The following ADAMTSL3 variants were observed in gnomAD, a reference collection of about 807,000 sequenced individuals.
The protein encoded by ADAMTSL3 is ADAMTS-like protein 3.
Under a neutral mutation model 201.7 loss-of-function variants are expected in ADAMTSL3, and 128 were observed. That is an observed-to-expected ratio of 0.63 (90% confidence interval 0.55 to 0.73). The LOEUF is 0.73. Among genes scored for constraint, ADAMTSL3 ranks in the 30% least tolerant of loss-of-function variants. The pLI is 0.00. For missense variants in ADAMTSL3, 1,990 were observed against 2,119.6 expected, an observed-to-expected ratio of 0.94 and a Z score of 1.20; for synonymous variants, 738 against 748.4, an observed-to-expected ratio of 0.99 and a Z score of 0.23.
chr15:83,809,816 G>T (rs2063663335), intron 5 of ADAMTSL3, among the ~76,000 whole-genome samples: 1 of 151,976 alleles, frequency 6.6e-6, no homozygotes, highest in Admixed American at 6.6e-5. Context: ...TTCTCAATTG[G>T]CTGTAACTAA....
At chr15:83,990,606 C>T (rs2067565079) in intron 22 of ADAMTSL3, among the ~76,000 whole-genome samples, 1 of 152,138 alleles carries the variant, frequency 6.6e-6, no homozygotes, top group Non-Finnish European at 1.5e-5. Context: ...TCAACCCCCT[C>T]CCCCAGTATC....
In ADAMTSL3 at chr15:83,898,022, C is replaced by G; in HGVS notation, c.1615+17C>G. ...AACCAAAAGGTAAGTCTGTGGTGCA[C>G]TGTAAATTCAAATCAAATGGTATTT... On this transcript the variant is annotated intron_variant, in intron 14 of 29. Coordinates refer to ENST00000286744, the MANE Select transcript of ADAMTSL3 (RefSeq NM_207517.3). 1 of 1,596,090 alleles carries G rather than the reference C, an allele frequency of 6.3e-7. No individual in the cohort carries two copies. Among genetic ancestry groups the G allele is most frequent in the South Asian group, 1.1e-5 (1 of 89,380 alleles).
At chr15:83,668,503 T>C (rs1397047358) in intron 2 of ADAMTSL3, among the ~76,000 whole-genome samples, 2 of 152,084 alleles carry the variant, frequency 1.3e-5, no homozygotes, top group East Asian at 3.8e-4. Flanking sequence ...TATTTCTGTG[T>C]GTATGTGTGT....
At chr15:83,822,684 G>T (rs1423026735) in intron 6 of ADAMTSL3, among the ~76,000 whole-genome samples, 2 of 150,438 alleles carry the variant, frequency 1.3e-5, no homozygotes, top group African/African-American at 4.9e-5. Context: ...GATGGCGGCC[G>T]GGCAGAGACG....
At chr15:83,753,135 G>A (rs543783558) in intron 3 of ADAMTSL3, among the ~76,000 whole-genome samples, 11 of 152,266 alleles carry the variant, frequency 7.2e-5, no homozygotes, top group African/African-American at 2.4e-4. Context: ...CAAAACCCTG[G>A]CTACCTTTCT....
chr15:83,729,782 G>A (rs2062235917), intron 3 of ADAMTSL3, among the ~76,000 whole-genome samples: 1 of 151,994 alleles, frequency 6.6e-6, no homozygotes, highest in Admixed American at 6.6e-5. Context: ...TGTTTGGTAA[G>A]GTCCTGTTTT....
intron 19 of ADAMTSL3, among the ~76,000 whole-genome samples, chr15:83,952,187 T>C (rs984498732): frequency 6.6e-6 from 1 of 152,196 alleles, no homozygotes; most frequent in Non-Finnish European, 1.5e-5. Context: ...AAATTTTCAA[T>C]TTCCTTCTTA....
chr15:83,904,912 C>T (rs2065805687), intron 15 of ADAMTSL3, among the ~76,000 whole-genome samples: 1 of 152,190 alleles, frequency 6.6e-6, no homozygotes, highest in Non-Finnish European at 1.5e-5. Context: ...GGTGACATTT[C>T]AGGAATCTGT....
At chr15:83,746,171 G>T (rs981812754) in intron 3 of ADAMTSL3, among the ~76,000 whole-genome samples, 5 of 151,968 alleles carry the variant, frequency 3.3e-5, no homozygotes, top group African/African-American at 4.8e-5. Flanking sequence ...GAGAGAAGAG[G>T]TATAGAATTG....
In ADAMTSL3 at chr15:83,942,681, G is replaced by T; in HGVS notation, c.2203G>T (p.Glu735Ter). 6.2e-7 allele frequency: 1 copy of T among 1,614,094 alleles called. No individual in the cohort carries two copies. The highest frequency in any genetic ancestry group is 1.1e-5 in the South Asian group (1 of 91,086). The change falls in exon 18 of 30, where the codon GAG becomes TAG. Residue 735 changes from glutamate to a stop codon, truncating the protein, a stop_gained. Coordinates refer to ENST00000286744, the MANE Select transcript of ADAMTSL3 (RefSeq NM_207517.3). LOFTEE classifies it high-confidence loss of function. Reference protein sequence around the residue: ...TRDVYCLHPGETPAPPEECRD... With the variant: ...TRDVYCLHPG ...AGATGTGTACTGCCTGCACCCAGGG[G>T]AGACCCCTGCCCCTCCTGAGGAGTG...
At chr15:83,822,600 G>A (rs1177315511) in intron 6 of ADAMTSL3, among the ~76,000 whole-genome samples, 21 of 150,330 alleles carry the variant, frequency 1.4e-4, no homozygotes, top group Admixed American at 7.2e-4. Flanking sequence ...GACGATGGGC[G>A]GCCGGGCAGA....
intron 3 of ADAMTSL3, 50 bp from the exon 4 acceptor site, chr15:83,773,473 A>G (rs747805587): frequency 6.3e-6 from 10 of 1,593,612 alleles, no homozygotes; most frequent in Admixed American, 3.5e-5. Flanking sequence ...ACATTTGCCT[A>G]TACTTTATTG....
At chr15:83,773,410 A>G in intron 3 of ADAMTSL3, 113 bp from the exon 4 acceptor site, 3 of 1,161,210 alleles carry the variant, frequency 2.6e-6, no homozygotes, top group South Asian at 3.0e-5. Context: ...GTCTCAATTA[A>G]AAAAAAAAAG....
intron 29 of ADAMTSL3, 62 bp downstream of exon 29, chr15:84,037,049 GCTA>G: frequency 2.0e-6 from 3 of 1,535,644 alleles, no homozygotes; most frequent in Non-Finnish European, 2.7e-6. Context: ...AGATCCTGAT[GCTA>G]CCATCACGGC....
Position 83,823,377 on chromosome 15 carries a change from C to T in ADAMTSL3, c.600+3330C>T, listed in dbSNP as rs192195968. ...AAGTGTGGGGCACTACCAGGAGCTT[C>T]AGACTTAAAGTGCTCAAAGGTGAAC... On this transcript the variant is annotated intron_variant, in intron 6 of 29. Coordinates refer to ENST00000286744, the MANE Select transcript of ADAMTSL3 (RefSeq NM_207517.3). Among the ~76,000 whole-genome samples, 18 of 152,326 alleles carry T rather than the reference C, an allele frequency of 1.2e-4. No homozygotes were observed. The East Asian group carries it at 2.3e-3, about 20-fold the overall frequency.
intron 4 of ADAMTSL3, among the ~76,000 whole-genome samples, chr15:83,774,291 G>T (rs1292823140): frequency 6.6e-6 from 1 of 152,204 alleles, no homozygotes; most frequent in African/African-American, 2.4e-5. Flanking sequence ...AAGATTCCAA[G>T]ATTATGTCAG....
chr15:83,742,036 GTCT>G (rs2062463630), intron 3 of ADAMTSL3, among the ~76,000 whole-genome samples: 1 of 151,922 alleles, frequency 6.6e-6, no homozygotes, highest in African/African-American at 2.4e-5. Context: ...TAGAAAATAT[GTCT>G]TCTTTTAAAA....
chr15:83,833,488 G>A (rs2064198811), intron 6 of ADAMTSL3, among the ~76,000 whole-genome samples: 1 of 152,136 alleles, frequency 6.6e-6, no homozygotes, highest in Non-Finnish European at 1.5e-5. Flanking sequence ...ATCAACTTGA[G>A]GGTTAGGTCT....
chr15:83,939,677 A>G (rs1399609209), intron 17 of ADAMTSL3, among the ~76,000 whole-genome samples: 2 of 150,426 alleles, frequency 1.3e-5, no homozygotes, highest in African/African-American at 4.9e-5. Flanking sequence ...GCTGGAGTGC[A>G]GTGGCCTGAT....
Sources: allele counts gnomAD v4.1 joint callset (sites outside exome capture counted in the v4.1 genomes callset), GRCh38; gene constraint gnomAD v4.1.1; transcripts MANE v1.5; gene names NCBI Gene and HGNC (gene_info 2026-07-23, HGNC 2026-07-21).